Variants in PEAK1 observed in about 807,000 individuals in gnomAD.
The protein encoded by PEAK1 is inactive tyrosine-protein kinase PEAK1.
In PEAK1, 54 loss-of-function variants were observed where a neutral mutation model predicts 124.7. That is an observed-to-expected ratio of 0.43 (90% CI 0.35 to 0.54). The LOEUF is 0.54. PEAK1 is among the 20% of genes least tolerant of loss of function. The probability of loss-of-function intolerance (pLI) is 0.01; values close to 1 mark genes in which losing one functional copy is unlikely to be tolerated. For missense variants in PEAK1, 2,046 were observed against 2,134.5 expected (o/e 0.96, Z 0.82); for synonymous variants, 719 against 760.0 (o/e 0.95, Z 0.89).
chr15:77,337,056 G>T, intron 2 of PEAK1: 1 of 896,846 alleles, frequency 1.1e-6, no homozygotes, highest in Non-Finnish European at 1.3e-6. Flanking sequence ...GGAGGAAACA[G>T]AATGAGTAAA....
chr15:77,218,619 T>C (rs2059251014), intron 6 of PEAK1, among the ~76,000 whole-genome samples: 1 of 152,114 alleles, frequency 6.6e-6, no homozygotes, highest in African/African-American at 2.4e-5. Context: ...TATCCTAGGC[T>C]GGAATACAGT....
At chr15:77,238,967 C>A (rs2060242653) in intron 6 of PEAK1, among the ~76,000 whole-genome samples, 1 of 152,120 alleles carries the variant, frequency 6.6e-6, no homozygotes, top group African/African-American at 2.4e-5. Flanking sequence ...CATTCTAATG[C>A]CATTTATCAA....
rs547948126 is a variant in PEAK1 at position 77,179,673 on chromosome 15, G to C, written c.2254C>G (p.Gln752Glu). 1.1e-5 allele frequency: 18 copies of C among 1,613,960 alleles called. No homozygotes were observed. The highest frequency in any genetic ancestry group is 1.5e-5 in the Non-Finnish European group (18 of 1,180,010). ...VAKIEGTQES[Q>E]MVGSSSTREK... ...CTGGTGCTGCTGCTGCCCACCATCT[G>C]AGACTCCTGAGTGCCTTCTATTTTG... Residue 752 changes from glutamine (Q) to glutamate (E), a missense_variant, in exon 7 of 10, where the codon CAG (glutamine) becomes GAG (glutamate). By Grantham distance (29) the Gln-to-Glu change is conservative. Coordinates refer to ENST00000682557, the MANE Select transcript of PEAK1 (RefSeq NM_001385026.1).
At chr15:77,162,379 A>C (rs545828389) in intron 7 of PEAK1, among the ~76,000 whole-genome samples, 1 of 150,750 alleles carries the variant, frequency 6.6e-6, no homozygotes, top group Non-Finnish European at 1.5e-5. Flanking sequence ...CTGTAGTCCC[A>C]GGTATCGGGG....
chr15:77,158,548 C>A lies in PEAK1; in HGVS notation c.3286G>T (p.Asp1096Tyr). Residue 1096 changes from aspartate to tyrosine, a missense_variant, in exon 8 of 10, where the codon GAT (aspartate) becomes TAT (tyrosine). Asp to Tyr is a radical substitution (Grantham distance 160). Transcript: ENST00000682557. Reference sequence around the variant, plus strand: ...CTACAAGGGTTCGGGTCCATAGGATCTGAAATGTCTTCTTTTCCATCTTCC... The same window carrying A: ...CTACAAGGGTTCGGGTCCATAGGATATGAAATGTCTTCTTTTCCATCTTCC... Reference protein sequence around the residue: ...EREDGKEDISDPMDPNPCSAT... With the variant: ...EREDGKEDISYPMDPNPCSAT... The A allele has an allele frequency of 6.2e-7, 1 of 1,614,174 alleles. No homozygotes were observed. The highest frequency in any genetic ancestry group is 1.3e-5 in the African/African-American group (1 of 75,058).
rs751707835 is a variant in PEAK1, at chr15:77,150,280, A to T, written c.3331+8223T>A. ...TAAGGACATTAAAGTCTAGTGGCTAAGATCGACTCGATTCCAGCTGGTTAA... is the reference window on the plus strand; with the variant it reads ...TAAGGACATTAAAGTCTAGTGGCTATGATCGACTCGATTCCAGCTGGTTAA... On this transcript the variant is annotated intron_variant, in intron 8 of 9. Transcript: ENST00000682557. 2.8e-4 allele frequency among the ~76,000 whole-genome samples: 42 copies of T among 152,296 alleles called. No homozygotes were observed. In the Middle Eastern group the frequency reaches 0.01, roughly 37 times the overall value.
At chr15:77,193,940 T>C (rs1348312703) in intron 6 of PEAK1, among the ~76,000 whole-genome samples, 3 of 152,230 alleles carry the variant, frequency 2.0e-5, no homozygotes, top group East Asian at 1.9e-4. Context: ...GAGTTTGCCA[T>C]ATAACATATA....
rs748338450 is a variant in PEAK1 at position 77,352,290 on chromosome 15, G to A, written c.-603+12873C>T. ...CCTAGCCATACCTCTCCCCCAGGAA[G>A]TGAGCAGTGCAGAGGGCCAAATCGA... is the stretch of plus-strand genomic sequence containing the variant. On this transcript the variant is annotated intron_variant, in intron 2 of 9. Transcript: ENST00000682557. The A allele has an allele frequency of 3.0e-6, 3 of 985,384 alleles. No individual in the cohort carries two copies. The South Asian group carries it at 1.4e-4, about 46-fold the overall frequency. The allele number at this position is 985,384 out of a possible 1,614,324, so 61.0% of individuals were successfully genotyped here. A position where few individuals can be genotyped will look rare whatever the true frequency, so the allele number is the denominator to read the frequency against.
chr15:77,420,624 TAA>T (rs10660461), upstream of PEAK1: 71 of 330,674 alleles, frequency 2.1e-4, no homozygotes, highest in East Asian at 3.1e-4. Flanking sequence ...GCCTTCGCAA[TAA>T]AAAAAAAAAA....
intron 2 of PEAK1, among the ~76,000 whole-genome samples, chr15:77,328,691 G>A (rs1043884805): frequency 9.9e-5 from 15 of 152,114 alleles, no homozygotes; most frequent in East Asian, 3.9e-4. Flanking sequence ...TCTGTGTGAA[G>A]GCAAAGTCTA....
Position 77,264,051 on chromosome 15 carries a change from A to G in PEAK1, c.-274-11525T>C, listed in dbSNP as rs1244233912. Among the ~76,000 whole-genome samples the G allele has an allele frequency of 5.9e-5, 9 of 152,218 alleles. No homozygotes were observed. The South Asian group carries it at 1.5e-3, about 25-fold the overall frequency. On this transcript the variant is annotated intron_variant, in intron 5 of 9. Transcript: ENST00000682557. ...CAGAAAAGGCCTTTGACAAAATTCA[A>G]CAACCCTTCATGCTAAAAACTCTCA...
Position 77,108,704 on chromosome 15 carries a change from A to G in PEAK1, c.*5452T>C, listed in dbSNP as rs2152702990. On this transcript the variant is annotated 3_prime_UTR_variant, in exon 10 of 10. Coordinates refer to ENST00000682557, the MANE Select transcript of PEAK1 (RefSeq NM_001385026.1). ...GGCAAAGTGGGTTTTCTGTACTACA[A>G]CAATATTCGTAGCAAAATATATGAC... The G allele has an allele frequency of 6.6e-6, 1 of 152,348 alleles. No individual in the cohort carries two copies. The allele number at this position is 152,348 out of a possible 1,614,324, so 9.4% of individuals were successfully genotyped here. A position where few individuals can be genotyped will look rare whatever the true frequency, so the allele number is the denominator to read the frequency against.
chr15:77,357,376 G>A (rs189511189), intron 2 of PEAK1, among the ~76,000 whole-genome samples: 5 of 152,300 alleles, frequency 3.3e-5, no homozygotes, highest in East Asian at 1.9e-4. Flanking sequence ...GGGTGCAAGC[G>A]ACTCTCGTGC....
chr15:77,322,444 G>T (rs2153020129), intron 2 of PEAK1, among the ~76,000 whole-genome samples: 1 of 152,090 alleles, frequency 6.6e-6, no homozygotes, highest in Non-Finnish European at 1.5e-5. Flanking sequence ...TGATAAAGGG[G>T]ATATCACCAC....
At chr15:77,381,674 C>A (rs1377721569) in intron 1 of PEAK1, among the ~76,000 whole-genome samples, 1 of 152,114 alleles carries the variant, frequency 6.6e-6, no homozygotes, top group Non-Finnish European at 1.5e-5. Flanking sequence ...ACATTTTCTC[C>A]AAAAACATTC....
intron 1 of PEAK1, chr15:77,381,329 T>G (rs903443065): frequency 6.2e-6 from 5 of 807,012 alleles, no homozygotes; most frequent in Middle Eastern, 6.3e-4. Context: ...GCGAAAGCAC[T>G]GCTTGAGGCC....
intron 5 of PEAK1, among the ~76,000 whole-genome samples, chr15:77,273,713 T>A (rs1349192428): frequency 2.6e-5 from 4 of 151,960 alleles, no homozygotes; most frequent in South Asian, 4.2e-4. Context: ...CCAAAAGCAA[T>A]CAACAAATTC....
At chr15:77,214,409 G>A (rs1471635592) in intron 6 of PEAK1, among the ~76,000 whole-genome samples, 2 of 151,320 alleles carry the variant, frequency 1.3e-5, no homozygotes, top group African/African-American at 4.9e-5. Context: ...GAGGTCAGGA[G>A]ATGGAGACCA....
chr15:77,327,359 A>G (rs1167097890), intron 2 of PEAK1, among the ~76,000 whole-genome samples: 1 of 152,130 alleles, frequency 6.6e-6, no homozygotes, highest in Non-Finnish European at 1.5e-5. Context: ...GGAATCAGCC[A>G]GTTAAATAAA....
Sources: allele counts gnomAD v4.1 joint callset (sites outside exome capture counted in the v4.1 genomes callset), GRCh38; gene constraint gnomAD v4.1.1; transcripts MANE v1.5; gene names NCBI Gene and HGNC (gene_info 2026-07-23, HGNC 2026-07-21).